The following MACROD2 variants were observed in gnomAD, a reference collection of about 807,000 sequenced individuals.
MACROD2 encodes the protein ADP-ribose glycohydrolase MACROD2.
A neutral mutation model predicts 70.4 loss-of-function variants in MACROD2; 36 were observed. The ratio of observed to expected loss-of-function variants is 0.51; its 90% CI spans 0.39 to 0.68. MACROD2 has a LOEUF of 0.68. MACROD2 is among the 30% of genes least tolerant of loss of function. The probability of loss-of-function intolerance (pLI) is 0.00; values close to 1 mark genes in which losing one functional copy is unlikely to be tolerated. For missense variants in MACROD2, 496 were observed against 538.4 expected, an observed-to-expected ratio of 0.92 and a Z score of 0.78; for synonymous variants, 172 against 178.8, an observed-to-expected ratio of 0.96 and a Z score of 0.30.
At chr20:14,664,105 C>T (rs1262391279) in intron 4 of MACROD2, among the ~76,000 whole-genome samples, 1 of 151,924 alleles carries the variant, frequency 6.6e-6, no homozygotes, top group Admixed American at 6.6e-5. Flanking sequence ...TTCTTCTTTT[C>T]CATTACTAAT....
At chr20:15,820,001 A>T (rs1284429127) in intron 8 of MACROD2, among the ~76,000 whole-genome samples, 1 of 152,146 alleles carries the variant, frequency 6.6e-6, no homozygotes, top group Non-Finnish European at 1.5e-5. Context: ...ATCTATATGT[A>T]TCCCATAATA....
At chr20:15,793,917 T>C (rs896728914) in intron 8 of MACROD2, among the ~76,000 whole-genome samples, 4 of 147,428 alleles carry the variant, frequency 2.7e-5, no homozygotes, top group African/African-American at 7.4e-5. Flanking sequence ...ATATAAAAAT[T>C]AGTGGCAAAT....
chr20:14,612,566 T>C (rs1161582766), intron 4 of MACROD2, among the ~76,000 whole-genome samples: 5 of 152,042 alleles, frequency 3.3e-5, no homozygotes. Flanking sequence ...AGTATAAAAA[T>C]AAGATTGCAA....
intron 3 of MACROD2, among the ~76,000 whole-genome samples, chr20:14,289,904 T>C (rs2082372257): frequency 6.6e-6 from 1 of 152,220 alleles, no homozygotes; most frequent in Non-Finnish European, 1.5e-5. Flanking sequence ...CCTAAACAAA[T>C]AATAATTTAT....
chr20:14,980,744 G>A, intron 5 of MACROD2, among the ~76,000 whole-genome samples: 1 of 152,124 alleles, frequency 6.6e-6, no homozygotes, highest in African/African-American at 2.4e-5. Flanking sequence ...GACCATGGTA[G>A]TATAAAGCAT....
At chr20:15,584,365 A>C (rs1027957840) in intron 8 of MACROD2, among the ~76,000 whole-genome samples, 5 of 152,236 alleles carry the variant, frequency 3.3e-5, no homozygotes, top group African/African-American at 1.2e-4. Flanking sequence ...AAATATTGCC[A>C]GCTTAACACT....
intron 5 of MACROD2, among the ~76,000 whole-genome samples, chr20:14,922,505 C>A (rs1049260046): frequency 6.6e-6 from 1 of 152,156 alleles, no homozygotes; most frequent in Non-Finnish European, 1.5e-5. Flanking sequence ...GTGGTGTCTG[C>A]CCTTATCTGA....
chr20:14,654,637 A>G (rs1035127894), intron 4 of MACROD2, among the ~76,000 whole-genome samples: 2 of 152,162 alleles, frequency 1.3e-5, no homozygotes, highest in African/African-American at 2.4e-5. Flanking sequence ...ATGACTTTAC[A>G]TGCACTAATT....
intron 4 of MACROD2, among the ~76,000 whole-genome samples, chr20:14,644,950 G>T (rs183568190): frequency 2.0e-5 from 3 of 152,192 alleles, no homozygotes; most frequent in Non-Finnish European, 4.4e-5. Flanking sequence ...ATGACTACAG[G>T]ATACTACATT....
chr20:15,008,934 G>A (rs2075061085), intron 5 of MACROD2, among the ~76,000 whole-genome samples: 2 of 151,936 alleles, frequency 1.3e-5, no homozygotes, highest in African/African-American at 4.8e-5. Context: ...AGGAGGAGTT[G>A]GGAAGCTTGA....
intron 8 of MACROD2, among the ~76,000 whole-genome samples, chr20:15,803,099 C>G (rs2063740449): frequency 6.6e-6 from 1 of 152,036 alleles, no homozygotes; most frequent in Non-Finnish European, 1.5e-5. Flanking sequence ...AAACTAGCAC[C>G]AATTTTTCTC....
At chr20:15,074,887 C>T (rs543520402) in intron 5 of MACROD2, among the ~76,000 whole-genome samples, 24 of 152,212 alleles carry the variant, frequency 1.6e-4, no homozygotes, top group Middle Eastern at 3.4e-3. Flanking sequence ...GCACTGCAAG[C>T]GATACACACA....
At chr20:14,135,506 A>AT (rs955645417) in intron 3 of MACROD2, among the ~76,000 whole-genome samples, 94 of 148,542 alleles carry the variant, frequency 6.3e-4, no homozygotes, top group South Asian at 6.5e-4. Context: ...TGTCTCTACA[A>AT]TTTTTTTTTT....
intron 5 of MACROD2, among the ~76,000 whole-genome samples, chr20:15,041,119 C>T (rs1419218782): frequency 6.6e-6 from 1 of 152,094 alleles, no homozygotes; most frequent in Non-Finnish European, 1.5e-5. Context: ...ATGAATTGTG[C>T]AGTTATGAAA....
intron 17 of MACROD2, among the ~76,000 whole-genome samples, chr20:16,044,894 T>C (rs2067359271): frequency 6.6e-6 from 1 of 152,152 alleles, no homozygotes; most frequent in African/African-American, 2.4e-5. Flanking sequence ...CTTTGACAAG[T>C]AAAAAATGTC....
chr20:15,531,379 TCTC>T (rs1393087346), intron 8 of MACROD2, among the ~76,000 whole-genome samples: 2 of 151,930 alleles, frequency 1.3e-5, no homozygotes, highest in African/African-American at 4.8e-5. Flanking sequence ...TATTTTTTCT[TCTC>T]CTCCAGCTTA....
At chr20:14,253,013 A>G (rs965035331) in intron 3 of MACROD2, among the ~76,000 whole-genome samples, 4 of 152,032 alleles carry the variant, frequency 2.6e-5, no homozygotes, top group African/African-American at 9.7e-5. Context: ...ACAGTATGGT[A>G]TGAACCCTGT....
In MACROD2 at chr20:15,097,107, C is replaced by T. The variant is rs577146698; in HGVS notation, c.419-132833C>T. Among the ~76,000 whole-genome samples the T allele has an allele frequency of 6.3e-4, 96 of 152,206 alleles. 2 individuals are homozygous for T. The South Asian group carries it at 0.017, about 27-fold the overall frequency. On this transcript the variant is annotated intron_variant, in intron 5 of 17. Transcript: ENST00000684519. ...GATTACAGGCATGAACCACTGTGCCCGGTGCTAATTTTTAAAAGTATTAAT... is the reference window on the plus strand; with the variant it reads ...GATTACAGGCATGAACCACTGTGCCTGGTGCTAATTTTTAAAAGTATTAAT...
chr20:14,084,550 TA>T (rs138195962), intron 2 of MACROD2, among the ~76,000 whole-genome samples: 2,080 of 152,354 alleles, frequency 0.014, 29 homozygotes, highest in South Asian at 0.038. Context: ...GCACAGCTTT[TA>T]CTAGATTTAT....
Sources: allele counts gnomAD v4.1 joint callset (sites outside exome capture counted in the v4.1 genomes callset), GRCh38; gene constraint gnomAD v4.1.1; transcripts MANE v1.5; gene names NCBI Gene and HGNC (gene_info 2026-07-23, HGNC 2026-07-21).